CDYL2: variants seen among roughly 807,000 people sequenced by gnomAD.
CDYL2 encodes chromodomain Y like 2, also known as chromodomain Y-like protein 2.
CDYL2 carries 23 observed loss-of-function variants against 49.4 expected under a neutral mutation model. The ratio of observed to expected loss-of-function variants is 0.47; its 90% confidence interval spans 0.34 to 0.66. The LOEUF is 0.66. Ranked by LOEUF, CDYL2 falls within the 30% of genes least tolerant of loss-of-function variation. The pLI is 0.01. For missense variants in CDYL2, 678 were observed against 656.4 expected (o/e 1.03, Z -0.36); for synonymous variants, 360 against 268.8 (o/e 1.34, Z -3.32).
intron 1 of CDYL2, among the ~76,000 whole-genome samples, chr16:80,732,495 T>C (rs1905364207): frequency 6.6e-6 from 1 of 152,196 alleles, no homozygotes; most frequent in Admixed American, 6.5e-5. Context: ...AGCTTGAATA[T>C]GCACAGAATA....
At chr16:80,713,077 C>T (rs1261471889) in intron 1 of CDYL2, among the ~76,000 whole-genome samples, 2 of 152,182 alleles carry the variant, frequency 1.3e-5, no homozygotes, top group Non-Finnish European at 2.9e-5. Flanking sequence ...GCCCTGCTTA[C>T]TTATACAAGA....
At chr16:80,735,648 G>A (rs1480356771) in intron 1 of CDYL2, among the ~76,000 whole-genome samples, 1 of 152,108 alleles carries the variant, frequency 6.6e-6, no homozygotes, top group Non-Finnish European at 1.5e-5. Flanking sequence ...CTAGAGCTCT[G>A]GTGTCTATTC....
chr16:80,687,390 A>ATGGG (rs1910239656), intron 1 of CDYL2, among the ~76,000 whole-genome samples: 1 of 151,882 alleles, frequency 6.6e-6, no homozygotes, highest in African/African-American at 2.4e-5. Flanking sequence ...GGATGGATGG[A>ATGGG]TGGGTGGATG....
rs979193678 is a variant in CDYL2 at position 80,603,657 on chromosome 16, A to G, written c.*731T>C. On this transcript the variant is annotated 3_prime_UTR_variant, in exon 7 of 7. Coordinates refer to ENST00000570137, the MANE Select transcript of CDYL2 (RefSeq NM_152342.4). ...GAACAACAGACATCACAATATATAAACAAAAATAAATAAATAAAACAAGTC... is the reference window on the plus strand; with the variant it reads ...GAACAACAGACATCACAATATATAAGCAAAAATAAATAAATAAAACAAGTC... 6.6e-6 allele frequency: 1 copy of G among 152,650 alleles called. No individual in the cohort carries two copies. The highest frequency in any genetic ancestry group is 1.5e-5 in the Non-Finnish European group (1 of 68,046). 9.5% of individuals were successfully genotyped at this position (152,650 alleles called of 1,614,324 possible).
chr16:80,722,573 G>T lies in CDYL2; in HGVS notation c.25-37444C>A, dbSNP rs545927820. ...TCTGTAATTGTCAGAACATAACTAA[G>T]CCTAGTTTTCTTAGGCCTATTTTAC... On this transcript the variant is annotated intron_variant, in intron 1 of 6. Coordinates refer to ENST00000570137, the MANE Select transcript of CDYL2 (RefSeq NM_152342.4). Among the ~76,000 whole-genome samples, 229 of 152,310 alleles carry T rather than the reference G, an allele frequency of 1.5e-3. 1 individual carries two copies. Among genetic ancestry groups the T allele is most frequent in the African/African-American group, 5.4e-3 (223 of 41,558 alleles).
Position 80,758,541 on chromosome 16 carries a change from C to CTTTTT in CDYL2, c.24+45604_24+45608dup, listed in dbSNP as rs58565125. On this transcript the variant is annotated intron_variant, in intron 1 of 6. Transcript: ENST00000570137. ...ATAAATACAGAAGTTTGCTGCAGCA[C>CTTTTT]TTTTTTTTTTTTTTTTTTTTGTGAC... Among the ~76,000 whole-genome samples the CTTTTT allele has an allele frequency of 1.4e-3, 160 of 117,084 alleles. 1 individual carries two copies. The highest frequency in any genetic ancestry group is 5.6e-3 in the Middle Eastern group (1 of 180). The allele number at this position is 117,084 out of a possible 152,430, so 76.8% of individuals were successfully genotyped here. A position where few individuals can be genotyped will look rare whatever the true frequency, so the allele number is the denominator to read the frequency against.
intron 2 of CDYL2, among the ~76,000 whole-genome samples, chr16:80,650,967 G>C (rs1285698755): frequency 4.3e-5 from 5 of 115,732 alleles, no homozygotes; most frequent in Non-Finnish European, 8.3e-5. Flanking sequence ...CCAGGGGCTG[G>C]GAAGGGCGGG....
chr16:80,793,237 G>A (rs1163779392), intron 1 of CDYL2, among the ~76,000 whole-genome samples: 1 of 152,160 alleles, frequency 6.6e-6, no homozygotes, highest in East Asian at 1.9e-4. Context: ...ACCACAGGGC[G>A]GTCTTTGTGC....
intron 1 of CDYL2, among the ~76,000 whole-genome samples, chr16:80,697,362 A>C (rs1367467179): frequency 6.6e-6 from 1 of 152,208 alleles, no homozygotes; most frequent in Non-Finnish European, 1.5e-5. Flanking sequence ...CATTTAATAA[A>C]ATTCAGCATC....
At chr16:80,614,359 C>T (rs896297597) in intron 4 of CDYL2, among the ~76,000 whole-genome samples, 1 of 152,220 alleles carries the variant, frequency 6.6e-6, no homozygotes, top group African/African-American at 2.4e-5. Context: ...TCAAACCTCC[C>T]ACCATGGCGT....
At chr16:80,712,835 C>G (rs1430734429) in intron 1 of CDYL2, among the ~76,000 whole-genome samples, 2 of 152,136 alleles carry the variant, frequency 1.3e-5, no homozygotes, top group East Asian at 3.9e-4. Flanking sequence ...AGATGCATGA[C>G]CGGCTCTGAA....
intron 2 of CDYL2, among the ~76,000 whole-genome samples, chr16:80,650,057 C>T (rs147125742): frequency 1.0e-3 from 158 of 152,172 alleles, no homozygotes; most frequent in African/African-American, 3.0e-3. Flanking sequence ...CATTGGTCTA[C>T]GCAAAAATTT....
intron 3 of CDYL2, among the ~76,000 whole-genome samples, chr16:80,630,304 T>G (rs1276138099): frequency 6.6e-6 from 1 of 152,190 alleles, no homozygotes; most frequent in Non-Finnish European, 1.5e-5. Flanking sequence ...CCTGTGCACC[T>G]TAAATCAGAC....
chr16:80,730,555 C>T (rs1024509670), intron 1 of CDYL2, among the ~76,000 whole-genome samples: 4 of 151,992 alleles, frequency 2.6e-5, no homozygotes, highest in Non-Finnish European at 5.9e-5. Flanking sequence ...CCTTCTGAAA[C>T]TATTCCAATC....
intron 4 of CDYL2, among the ~76,000 whole-genome samples, chr16:80,619,813 A>C (rs1378228748): frequency 6.6e-6 from 1 of 152,152 alleles, no homozygotes; most frequent in Non-Finnish European, 1.5e-5. Context: ...GGGACTCAGA[A>C]TTCCACACAC....
intron 2 of CDYL2, among the ~76,000 whole-genome samples, chr16:80,638,855 T>C (rs1171736979): frequency 2.6e-5 from 4 of 152,120 alleles, no homozygotes; most frequent in Non-Finnish European, 5.9e-5. Context: ...TAGACCTAAA[T>C]GTAAAATGCA....
chr16:80,696,618 A>C (rs564132930), intron 1 of CDYL2, among the ~76,000 whole-genome samples: 1 of 152,068 alleles, frequency 6.6e-6, no homozygotes, highest in Non-Finnish European at 1.5e-5. Context: ...AAATGAATAC[A>C]TTCCTGGACA....
At position 80,608,297 on chromosome 16, in the gene CDYL2, G is replaced by C. The variant is rs904916344; in HGVS notation, c.1219-62C>G. ...GAGGTCCACCCATGTCCCTCAGCTG[G>C]TCCAGGGCTTGCCACCTGCAACCAT... On this transcript the variant is annotated intron_variant, in intron 5 of 6. Transcript: ENST00000570137. 2.0e-6 allele frequency: 3 copies of C among 1,463,648 alleles called. No individual in the cohort carries two copies. In the Admixed American group the frequency reaches 7.6e-5, roughly 37 times the overall value. 90.7% of individuals were successfully genotyped at this position (1,463,648 alleles called of 1,614,324 possible).
chr16:80,792,856 AC>A (rs2142417125), intron 1 of CDYL2, among the ~76,000 whole-genome samples: 1 of 151,962 alleles, frequency 6.6e-6, no homozygotes, highest in Non-Finnish European at 1.5e-5. Flanking sequence ...CCAAGTCTAT[AC>A]CCCTTCCCAT....
Sources: allele counts gnomAD v4.1 joint callset (sites outside exome capture counted in the v4.1 genomes callset), GRCh38; gene constraint gnomAD v4.1.1; transcripts MANE v1.5; gene names NCBI Gene and HGNC (gene_info 2026-07-23, HGNC 2026-07-21).